NCAM2: variants seen among roughly 807,000 people sequenced by gnomAD.
NCAM2 encodes N-CAM-2.
NCAM2 carries 30 observed loss-of-function variants against 98.1 expected under a neutral mutation model. That is an observed-to-expected ratio of 0.31 (90% confidence interval 0.23 to 0.41). NCAM2 has a LOEUF of 0.41. NCAM2 is among the 10% of genes least tolerant of loss of function. NCAM2 has a pLI of 1.00. For missense variants in NCAM2, 867 were observed against 1,005.8 expected, an observed-to-expected ratio of 0.86 and a Z score of 1.87; for synonymous variants, 368 against 342.4, an observed-to-expected ratio of 1.07 and a Z score of -0.83.
chr21:21,244,978 T>A (rs2071210433), intron 1 of NCAM2, among the ~76,000 whole-genome samples: 1 of 152,050 alleles, frequency 6.6e-6, no homozygotes, highest in Non-Finnish European at 1.5e-5. Context: ...GAAGTCCGAA[T>A]TCTTCAAATC....
At position 21,307,987 on chromosome 21, in the gene NCAM2, A is replaced by T. The variant is rs187922739; in HGVS notation, c.619+15746A>T. On this transcript the variant is annotated intron_variant, in intron 5 of 17. Coordinates refer to ENST00000400546, the MANE Select transcript of NCAM2 (RefSeq NM_004540.5). ...TTAAATCATGATATTTAATGTGTTC[A>T]TAGATGGCCAGGTGTTAGGGCATTG... 2.6e-5 allele frequency among the ~76,000 whole-genome samples: 4 copies of T among 152,170 alleles called. No homozygotes were observed. The East Asian group carries it at 7.8e-4, about 29-fold the overall frequency.
rs376844093 is a variant in NCAM2, at chr21:21,156,380, A to T, written c.56-124198A>T. 5.3e-5 allele frequency among the ~76,000 whole-genome samples: 8 copies of T among 152,222 alleles called. No individual in the cohort carries two copies. In the South Asian group the frequency reaches 1.7e-3, roughly 32 times the overall value. On this transcript the variant is annotated intron_variant, in intron 1 of 17. Coordinates refer to ENST00000400546, the MANE Select transcript of NCAM2 (RefSeq NM_004540.5). Reference sequence around the variant, plus strand: ...AGAAGAACAACAATGTTTTGCCATCAAATCATTCATAATAAATGTTTGCCC... The same window carrying T: ...AGAAGAACAACAATGTTTTGCCATCTAATCATTCATAATAAATGTTTGCCC...
intron 10 of NCAM2, among the ~76,000 whole-genome samples, chr21:21,416,506 GAAAAGAA>G (rs940832130): frequency 3.9e-5 from 5 of 128,444 alleles, no homozygotes; most frequent in African/African-American, 1.5e-4. Context: ...AAAAAAAAAA[GAAAAGAA>G]AAAAGAAAAA....
chr21:21,190,289 A>G (rs76865244), intron 1 of NCAM2, among the ~76,000 whole-genome samples: 4,794 of 152,244 alleles, frequency 0.031, 234 homozygotes, highest in African/African-American at 0.11. Context: ...GCTCTGAACA[A>G]ATGAGTTAGT....
At chr21:21,285,249 C>T (rs557200739) in intron 3 of NCAM2, among the ~76,000 whole-genome samples, 2 of 151,794 alleles carry the variant, frequency 1.3e-5, no homozygotes, top group Admixed American at 1.3e-4. Context: ...ATTAGGAATG[C>T]AAGCCCTTAA....
intron 9 of NCAM2, among the ~76,000 whole-genome samples, chr21:21,394,581 C>T (rs971208575): frequency 1.1e-4 from 17 of 147,948 alleles, no homozygotes; most frequent in African/African-American, 3.8e-4. Context: ...CTCCGCCTCC[C>T]GGGTTCACGC....
chr21:21,437,914 A>T (rs529496781), intron 12 of NCAM2, among the ~76,000 whole-genome samples: 3 of 150,962 alleles, frequency 2.0e-5, no homozygotes, highest in African/African-American at 7.3e-5. Context: ...AGCACATATT[A>T]TATATATATA....
Position 21,090,633 on chromosome 21 carries a change from A to G in NCAM2, c.55+92015A>G, listed in dbSNP as rs956785383. Among the ~76,000 whole-genome samples, 13 of 152,176 alleles carry G rather than the reference A, an allele frequency of 8.5e-5. No individual in the cohort carries two copies. The East Asian group carries it at 2.3e-3, about 27-fold the overall frequency. On this transcript the variant is annotated intron_variant, in intron 1 of 17. Transcript: ENST00000400546. ...GCTAGAGTGTCTCATTTAAAACTTA[A>G]GTTGAAACGATTCGTTTCTCCAGTG...
chr21:21,340,836 A>C (rs1277434613), intron 8 of NCAM2, among the ~76,000 whole-genome samples: 2 of 151,626 alleles, frequency 1.3e-5, no homozygotes, highest in Non-Finnish European at 2.9e-5. Context: ...AATTGAGTTC[A>C]AAGAGTCCAA....
intron 15 of NCAM2, among the ~76,000 whole-genome samples, chr21:21,504,309 T>C (rs1197444743): frequency 1.3e-5 from 2 of 151,962 alleles, no homozygotes; most frequent in Non-Finnish European, 2.9e-5. Context: ...GATAATATTG[T>C]TTTCCTACCT....
intron 1 of NCAM2, among the ~76,000 whole-genome samples, chr21:21,135,219 C>T (rs747533962): frequency 7.2e-4 from 95 of 131,922 alleles, no homozygotes; most frequent in Admixed American, 1.5e-3. Context: ...GCACTCCAGT[C>T]TGGGCTACAG....
At chr21:21,483,583 A>G (rs567968401) in intron 15 of NCAM2, among the ~76,000 whole-genome samples, 6 of 151,920 alleles carry the variant, frequency 3.9e-5, no homozygotes, top group African/African-American at 1.5e-4. Context: ...ATATGAAAAT[A>G]TTATTTTAGG....
At chr21:21,247,722 C>T (rs1172395546) in intron 1 of NCAM2, among the ~76,000 whole-genome samples, 1 of 152,142 alleles carries the variant, frequency 6.6e-6, no homozygotes, top group Non-Finnish European at 1.5e-5. Flanking sequence ...CTTGTTTCTA[C>T]TCACATCTGC....
At chr21:21,003,148 G>A (rs2064050404) in intron 1 of NCAM2, among the ~76,000 whole-genome samples, 1 of 152,012 alleles carries the variant, frequency 6.6e-6, no homozygotes, top group Admixed American at 6.6e-5. Context: ...AGTTTTCTAT[G>A]TTCACTTGTG....
chr21:21,407,351 G>A (rs1602244269), intron 9 of NCAM2, among the ~76,000 whole-genome samples: 1 of 152,118 alleles, frequency 6.6e-6, no homozygotes, highest in East Asian at 1.9e-4. Context: ...TTTTAATGTG[G>A]CTTTCAGTAT....
chr21:21,382,160 T>A (rs1345956461), intron 9 of NCAM2, among the ~76,000 whole-genome samples: 3 of 152,290 alleles, frequency 2.0e-5, no homozygotes, highest in Admixed American at 6.5e-5. Flanking sequence ...TTAGGATAAG[T>A]CTAAGTATTG....
chr21:21,200,356 G>A (rs1022612776), intron 1 of NCAM2, among the ~76,000 whole-genome samples: 7 of 147,516 alleles, frequency 4.7e-5, no homozygotes, highest in African/African-American at 7.5e-5. Context: ...CATATAGTCC[G>A]TCAACTCTCA....
At chr21:21,352,814 A>G (rs1230420757) in intron 8 of NCAM2, among the ~76,000 whole-genome samples, 1 of 144,082 alleles carries the variant, frequency 6.9e-6, no homozygotes, top group African/African-American at 2.5e-5. Flanking sequence ...AAAAAAAAAA[A>G]GATTAGAAAA....
intron 5 of NCAM2, among the ~76,000 whole-genome samples, chr21:21,320,085 C>T (rs1204652664): frequency 6.6e-6 from 1 of 152,114 alleles, no homozygotes; most frequent in African/African-American, 2.4e-5. Context: ...TTTTAGAAGT[C>T]AGTACTCAGT....
Sources: allele counts gnomAD v4.1 joint callset (sites outside exome capture counted in the v4.1 genomes callset), GRCh38; gene constraint gnomAD v4.1.1; transcripts MANE v1.5; gene names NCBI Gene and HGNC (gene_info 2026-07-23, HGNC 2026-07-21).